GTF2E2: variants seen among roughly 807,000 people sequenced by gnomAD.
The protein encoded by GTF2E2 is general transcription factor IIE subunit 2.
Under a neutral mutation model 40.5 loss-of-function variants are expected in GTF2E2, and 21 were observed. That is an observed-to-expected ratio of 0.52 (90% CI 0.37 to 0.75). The LOEUF is 0.75. Among genes scored for constraint, GTF2E2 ranks in the 30% least tolerant of loss-of-function variants. The pLI is 0.00. For missense variants in GTF2E2, 298 were observed against 338.4 expected (o/e 0.88, Z 0.94); for synonymous variants, 117 against 121.6 (o/e 0.96, Z 0.25).
chr8:30,586,441 A>G (rs1828686813), intron 6 of GTF2E2, among the ~76,000 whole-genome samples: 1 of 152,168 alleles, frequency 6.6e-6, no homozygotes, highest in South Asian at 2.1e-4. Context: ...GGAAGAATTA[A>G]TACTGTTAAA....
intron 2 of GTF2E2, among the ~76,000 whole-genome samples, chr8:30,651,674 T>C (rs950700964): frequency 6.6e-6 from 1 of 152,254 alleles, no homozygotes; most frequent in Non-Finnish European, 1.5e-5. Context: ...AATTGATTTA[T>C]AGATTCAATT....
intron 6 of GTF2E2, among the ~76,000 whole-genome samples, chr8:30,595,986 G>A (rs62505281): frequency 0.2 from 30,478 of 152,024 alleles, 3,824 homozygotes; most frequent in South Asian, 0.32. Flanking sequence ...ATTATCTTTC[G>A]GTCTGCATGG....
chr8:30,600,985 G>GT (rs535455471), intron 6 of GTF2E2, among the ~76,000 whole-genome samples: 559 of 152,338 alleles, frequency 3.7e-3, no homozygotes, highest in Non-Finnish European at 6.1e-3. Context: ...AGAGATGAAT[G>GT]TTAAAACGTG....
Position 30,612,567 on chromosome 8 carries a change from C to T in GTF2E2, c.367-86G>A, listed in dbSNP as rs1420551177. 10 of 816,346 alleles carry T rather than the reference C, an allele frequency of 1.2e-5. No homozygotes were observed. The East Asian group carries it at 2.9e-4, about 24-fold the overall frequency. The allele number at this position is 816,346 out of a possible 1,614,324, so 50.6% of individuals were successfully genotyped here. A position where few individuals can be genotyped will look rare whatever the true frequency, so the allele number is the denominator to read the frequency against. ...TTTGAAACGTAATCTTGCTCTGTCG[C>T]CCAGGCTGGAGTGCAGTGGCGTGAT... On this transcript the variant is annotated intron_variant, in intron 4 of 7. Transcript: ENST00000355904.
At chr8:30,620,637 T>C (rs1801065598) in intron 3 of GTF2E2, among the ~76,000 whole-genome samples, 1 of 151,918 alleles carries the variant, frequency 6.6e-6, no homozygotes, top group African/African-American at 2.4e-5. Context: ...TAATAAGAGT[T>C]AGCCGAGCTG....
chr8:30,598,388 G>A (rs1444159723), intron 6 of GTF2E2, among the ~76,000 whole-genome samples: 1 of 152,136 alleles, frequency 6.6e-6, no homozygotes, highest in Non-Finnish European at 1.5e-5. Context: ...GTATATTACT[G>A]TATAGAAAGA....
Position 30,578,840 on chromosome 8 carries a change from A to G in GTF2E2, c.*81T>C, listed in dbSNP as rs560274369. ...CCTCAGCCGCAAGAAGCAGATAGGA[A>G]GACAGTCTTCAGACCCCGAGCATCA... is the stretch of plus-strand genomic sequence containing the variant. On this transcript the variant is annotated 3_prime_UTR_variant, in exon 8 of 8. Transcript: ENST00000355904. 5.1e-6 allele frequency: 4 copies of G among 784,626 alleles called. No homozygotes were observed. Among genetic ancestry groups the G allele is most frequent in the East Asian group, 4.9e-5 (2 of 40,614 alleles). 48.6% of individuals were successfully genotyped at this position (784,626 alleles called of 1,614,324 possible).
At chr8:30,655,618 T>C (rs966406938) in intron 1 of GTF2E2, among the ~76,000 whole-genome samples, 5 of 152,238 alleles carry the variant, frequency 3.3e-5, no homozygotes, top group African/African-American at 1.2e-4. Context: ...TGAGGCACTG[T>C]GCTCTAAGCT....
intron 6 of GTF2E2, among the ~76,000 whole-genome samples, chr8:30,590,618 G>A (rs1200765235): frequency 1.3e-5 from 2 of 152,036 alleles, no homozygotes; most frequent in African/African-American, 4.8e-5. Flanking sequence ...CTTGGATTAG[G>A]CAATGGTTTA....
chr8:30,636,695 G>T (rs561593922), intron 2 of GTF2E2, among the ~76,000 whole-genome samples: 3 of 151,910 alleles, frequency 2.0e-5, no homozygotes, highest in African/African-American at 7.3e-5. Context: ...GTGAAACCCC[G>T]TCTCTACCAA....
intron 2 of GTF2E2, among the ~76,000 whole-genome samples, chr8:30,652,220 G>C (rs896636568): frequency 6.6e-6 from 1 of 151,950 alleles, no homozygotes; most frequent in East Asian, 1.9e-4. Flanking sequence ...AACTGGTAAG[G>C]TGGACTTCAT....
intron 3 of GTF2E2, among the ~76,000 whole-genome samples, chr8:30,616,409 C>A (rs1263461672): frequency 6.6e-6 from 1 of 151,918 alleles, no homozygotes; most frequent in African/African-American, 2.4e-5. Context: ...GCATTCCAGC[C>A]TGGCAACAGA....
At chr8:30,599,504 G>T (rs923934666) in intron 6 of GTF2E2, among the ~76,000 whole-genome samples, 2 of 151,862 alleles carry the variant, frequency 1.3e-5, no homozygotes, top group Non-Finnish European at 2.9e-5. Context: ...GCTTCAACCT[G>T]GGAGGCAGAG....
chr8:30,649,289 T>A lies in GTF2E2; in HGVS notation c.166+4144A>T, dbSNP rs2128729608. ...ATTGCTACAATTTGAAGTAGCTAAATAATTTCAGCTGTGAATTAAGTTCCA... is the reference window on the plus strand; with the variant it reads ...ATTGCTACAATTTGAAGTAGCTAAAAAATTTCAGCTGTGAATTAAGTTCCA... On this transcript the variant is annotated intron_variant, in intron 2 of 7. Transcript: ENST00000355904. Among the ~76,000 whole-genome samples the A allele has an allele frequency of 2.0e-5, 3 of 152,114 alleles. 1 individual carries two copies. The South Asian group carries it at 6.2e-4, about 32-fold the overall frequency.
At chr8:30,612,891 C>A (rs1429579522) in intron 4 of GTF2E2, among the ~76,000 whole-genome samples, 3 of 152,220 alleles carry the variant, frequency 2.0e-5, no homozygotes, top group African/African-American at 7.2e-5. Context: ...AAATACAACA[C>A]TAGCCAATAC....
intron 6 of GTF2E2, among the ~76,000 whole-genome samples, chr8:30,601,589 C>G (rs181649475): frequency 6.6e-6 from 1 of 152,126 alleles, no homozygotes. Context: ...CTGCCAAGGT[C>G]GAAAGCCCTG....
chr8:30,587,884 A>AAG (rs1828728187), intron 6 of GTF2E2, among the ~76,000 whole-genome samples: 1 of 151,268 alleles, frequency 6.6e-6, no homozygotes, highest in African/African-American at 2.4e-5. Flanking sequence ...AAAAAAAAAA[A>AAG]AAAAAAAAAC....
chr8:30,654,579 A>G (rs1165523654), intron 1 of GTF2E2, among the ~76,000 whole-genome samples: 1 of 152,018 alleles, frequency 6.6e-6, no homozygotes, highest in African/African-American at 2.4e-5. Context: ...ATTTTTTTAA[A>G]AACTTTTTAG....
intron 3 of GTF2E2, among the ~76,000 whole-genome samples, chr8:30,630,474 A>G (rs1298011503): frequency 2.6e-5 from 4 of 152,206 alleles, no homozygotes; most frequent in Non-Finnish European, 5.9e-5. Flanking sequence ...AACTATAAGG[A>G]GCATTTCTGT....
Sources: allele counts gnomAD v4.1 joint callset (sites outside exome capture counted in the v4.1 genomes callset), GRCh38; gene constraint gnomAD v4.1.1; transcripts MANE v1.5; gene names NCBI Gene and HGNC (gene_info 2026-07-23, HGNC 2026-07-21).